GPC5: variants seen among roughly 807,000 people sequenced by gnomAD.
The protein encoded by GPC5 is glypican 5.
GPC5 carries 47 observed loss-of-function variants against 53.9 expected under a neutral mutation model. The ratio of observed to expected loss-of-function variants is 0.87; its 90% CI spans 0.69 to 1.11. The LOEUF is 1.11. Ranked by LOEUF, GPC5 falls within the 50% of genes most tolerant of loss-of-function variation. GPC5 has a pLI of 0.00. For missense variants in GPC5, 748 were observed against 713.1 expected (o/e 1.05, Z -0.56); for synonymous variants, 286 against 263.3 (o/e 1.09, Z -0.84).
intron 7 of GPC5, among the ~76,000 whole-genome samples, chr13:92,293,387 G>A (rs554608529): frequency 7.2e-6 from 1 of 138,048 alleles, no homozygotes; most frequent in Admixed American, 7.2e-5. Context: ...TCACCTCTTT[G>A]GTTAGGTATA....
At chr13:91,831,082 T>C (rs1201297798) in intron 5 of GPC5, among the ~76,000 whole-genome samples, 1 of 140,404 alleles carries the variant, frequency 7.1e-6, no homozygotes, top group African/African-American at 2.6e-5. Flanking sequence ...TTATTATATA[T>C]AATAATATAT....
At chr13:91,895,172 A>ATGCT (rs1463631712) in intron 5 of GPC5, among the ~76,000 whole-genome samples, 3 of 152,244 alleles carry the variant, frequency 2.0e-5, no homozygotes, top group Non-Finnish European at 4.4e-5. Flanking sequence ...TGGTTCCCAC[A>ATGCT]TGCTGGTTCC....
At chr13:91,652,677 G>T (rs2034745647) in intron 2 of GPC5, among the ~76,000 whole-genome samples, 1 of 152,112 alleles carries the variant, frequency 6.6e-6, no homozygotes, top group South Asian at 2.1e-4. Flanking sequence ...CCTATATATT[G>T]TTTATTCTGG....
chr13:92,725,577 T>C (rs1026333614), intron 7 of GPC5, among the ~76,000 whole-genome samples: 1 of 151,578 alleles, frequency 6.6e-6, no homozygotes, highest in African/African-American at 2.4e-5. Context: ...CTCAGTGAAA[T>C]TGGAACTATT....
At position 92,866,493 on chromosome 13, in the gene GPC5, T is replaced by C; in HGVS notation, c.*54T>C. On this transcript the variant is annotated 3_prime_UTR_variant, in exon 8 of 8. Transcript: ENST00000377067. ...CTGAAGTCTCGATTTCTTCTCTCTC[T>C]GCATATGCCTGGAATAAGAGATCCT... 1 of 1,335,510 alleles carries C rather than the reference T, an allele frequency of 7.5e-7. No individual in the cohort carries two copies. Among genetic ancestry groups the C allele is most frequent in the Non-Finnish European group, 1.0e-6 (1 of 989,396 alleles). The allele number at this position is 1,335,510 out of a possible 1,614,324, so 82.7% of individuals were successfully genotyped here.
intron 5 of GPC5, among the ~76,000 whole-genome samples, chr13:91,850,655 C>CT (rs1044397183): frequency 4.6e-5 from 7 of 151,706 alleles, no homozygotes; most frequent in Non-Finnish European, 7.4e-5. Flanking sequence ...GGTCCTCTTC[C>CT]TTTTTTTTCA....
chr13:92,178,291 T>G (rs2042122749), intron 7 of GPC5, among the ~76,000 whole-genome samples: 1 of 152,124 alleles, frequency 6.6e-6, no homozygotes, highest in African/African-American at 2.4e-5. Flanking sequence ...CAGATGTGGA[T>G]ATGAGTTTTC....
At chr13:92,566,934 T>C (rs902302732) in intron 7 of GPC5, among the ~76,000 whole-genome samples, 13 of 152,152 alleles carry the variant, frequency 8.5e-5, no homozygotes, top group African/African-American at 3.1e-4. Flanking sequence ...TAGAGGATGA[T>C]TATAATAAAT....
chr13:92,038,164 A>C (rs757238629), intron 6 of GPC5, among the ~76,000 whole-genome samples: 1 of 151,992 alleles, frequency 6.6e-6, no homozygotes, highest in Non-Finnish European at 1.5e-5. Flanking sequence ...ATATTAGAGA[A>C]AGAGAGGAAT....
At chr13:91,595,131 C>T (rs926216612) in intron 2 of GPC5, among the ~76,000 whole-genome samples, 3 of 151,964 alleles carry the variant, frequency 2.0e-5, no homozygotes, top group Admixed American at 6.6e-5. Flanking sequence ...TCAAGCAATT[C>T]TTCCCCCTCC....
intron 2 of GPC5, among the ~76,000 whole-genome samples, chr13:91,521,106 C>T (rs185603954): frequency 6.6e-6 from 1 of 152,158 alleles, no homozygotes; most frequent in Admixed American, 6.6e-5. Context: ...TTATGTGGAA[C>T]AGGGCCAAAC....
intron 5 of GPC5, among the ~76,000 whole-genome samples, chr13:91,835,625 A>C (rs2138862892): frequency 6.6e-6 from 1 of 152,234 alleles, no homozygotes; most frequent in African/African-American, 2.4e-5. Flanking sequence ...TCAGCAAACT[A>C]ACACAAGAAC....
chr13:92,107,172 A>G (rs1483803912), intron 6 of GPC5, among the ~76,000 whole-genome samples: 1 of 152,084 alleles, frequency 6.6e-6, no homozygotes, highest in Non-Finnish European at 1.5e-5. Context: ...TAAGTGAAGA[A>G]TAGGTAAACA....
At chr13:92,623,420 G>C (rs763013812) in intron 7 of GPC5, among the ~76,000 whole-genome samples, 1 of 152,158 alleles carries the variant, frequency 6.6e-6, no homozygotes, top group Non-Finnish European at 1.5e-5. Context: ...GAAGTCTCTC[G>C]CCCTACAGTA....
At chr13:92,003,325 C>CAAAAAAAAAA (rs57075719) in intron 6 of GPC5, among the ~76,000 whole-genome samples, 11 of 100,182 alleles carry the variant, frequency 1.1e-4, no homozygotes, top group African/African-American at 2.9e-4. Context: ...TGTCTTAACA[C>CAAAAAAAAAA]AAAAAAAAAA....
chr13:91,445,584 C>T (rs977599218), intron 1 of GPC5, among the ~76,000 whole-genome samples: 1 of 152,194 alleles, frequency 6.6e-6, no homozygotes, highest in Non-Finnish European at 1.5e-5. Context: ...AAGTGATTCT[C>T]CTGCCTCAGT....
chr13:91,629,812 A>G (rs980862726), intron 2 of GPC5, among the ~76,000 whole-genome samples: 1 of 152,144 alleles, frequency 6.6e-6, no homozygotes, highest in African/African-American at 2.4e-5. Context: ...AGGTGGGAAA[A>G]TGGTACATTC....
rs530730641 is a variant in GPC5 at position 91,728,238 on chromosome 13, G to A, written c.1021-294G>A. ...ATAATATCTATTTTGGTAAAGTAAT[G>A]TTACACAAATAAGTCAGTTTATTAA... On this transcript the variant is annotated intron_variant, in intron 3 of 7. Transcript: ENST00000377067. Among the ~76,000 whole-genome samples the A allele has an allele frequency of 4.6e-5, 7 of 152,100 alleles. No individual in the cohort carries two copies. The South Asian group carries it at 1.5e-3, about 32-fold the overall frequency.
At chr13:92,283,562 C>T (rs1334829642) in intron 7 of GPC5, among the ~76,000 whole-genome samples, 1 of 152,194 alleles carries the variant, frequency 6.6e-6, no homozygotes, top group Non-Finnish European at 1.5e-5. Flanking sequence ...ACAGTGCAAT[C>T]AGACTAGAAC....
Sources: allele counts gnomAD v4.1 joint callset (sites outside exome capture counted in the v4.1 genomes callset), GRCh38; gene constraint gnomAD v4.1.1; transcripts MANE v1.5; gene names NCBI Gene and HGNC (gene_info 2026-07-23, HGNC 2026-07-21).